The following CEP112 variants were observed in gnomAD, a reference collection of about 807,000 sequenced individuals.
CEP112 encodes centrosomal protein of 112 kDa.
CEP112 carries 127 observed loss-of-function variants against 153.0 expected under a neutral mutation model. The observed-to-expected ratio is 0.83, with a 90% CI of 0.72 to 0.96. The LOEUF is 0.96. Among genes scored for constraint, CEP112 ranks in the 40% least tolerant of loss-of-function variants. CEP112 has a pLI of 0.00. For missense variants in CEP112, 1,089 were observed against 1,101.2 expected, an observed-to-expected ratio of 0.99 and a Z score of 0.16; for synonymous variants, 358 against 374.4, an observed-to-expected ratio of 0.96 and a Z score of 0.51.
At chr17:65,656,077 T>C (rs2046047922) in intron 24 of CEP112, among the ~76,000 whole-genome samples, 1 of 152,210 alleles carries the variant, frequency 6.6e-6, no homozygotes, top group African/African-American at 2.4e-5. Flanking sequence ...GGGTAGAGTA[T>C]GTGACGGGAC....
At chr17:65,852,142 A>T (rs1486983695) in intron 20 of CEP112, 108 bp from the exon 21 acceptor site, 1 of 696,640 alleles carries the variant, frequency 1.4e-6, no homozygotes, top group Non-Finnish European at 2.4e-6. Context: ...TATGGAATAG[A>T]AAGCTTAGAT....
At chr17:66,117,047 A>G (rs1036872673) in intron 6 of CEP112, among the ~76,000 whole-genome samples, 32 of 151,772 alleles carry the variant, frequency 2.1e-4, no homozygotes, top group African/African-American at 7.3e-4. Flanking sequence ...TTGTATTTTT[A>G]CAAAAATTTT....
chr17:65,913,631 A>C (rs927030746), intron 19 of CEP112: 1 of 985,284 alleles, frequency 1.0e-6, no homozygotes, highest in African/African-American at 1.7e-5. Context: ...CTCCTTATTT[A>C]AAAGTTTAAT....
chr17:65,719,662 A>G (rs1316919834), intron 23 of CEP112, among the ~76,000 whole-genome samples: 1 of 152,166 alleles, frequency 6.6e-6, no homozygotes, highest in African/African-American at 2.4e-5. Flanking sequence ...GACATCCAAG[A>G]TGGGACCTGT....
At chr17:65,731,597 G>A (rs1290631215) in intron 23 of CEP112, among the ~76,000 whole-genome samples, 1 of 152,162 alleles carries the variant, frequency 6.6e-6, no homozygotes, top group Non-Finnish European at 1.5e-5. Flanking sequence ...TGCTTTCACG[G>A]AAGATTTCTC....
intron 21 of CEP112, among the ~76,000 whole-genome samples, chr17:65,752,922 G>A (rs900610411): frequency 1.3e-5 from 2 of 152,158 alleles, no homozygotes; most frequent in South Asian, 4.1e-4. Context: ...AGTCTCATCT[G>A]CAGAGGTTCT....
intron 21 of CEP112, among the ~76,000 whole-genome samples, chr17:65,764,763 A>T (rs1168639665): frequency 6.6e-6 from 1 of 151,252 alleles, no homozygotes; most frequent in Non-Finnish European, 1.5e-5. Context: ...ATCCATTTGT[A>T]ATTATTGACG....
chr17:66,155,478 A>T (rs1278626112), intron 4 of CEP112, among the ~76,000 whole-genome samples: 2 of 151,118 alleles, frequency 1.3e-5, no homozygotes, highest in Non-Finnish European at 2.9e-5. Context: ...TTGGGCAGAC[A>T]TCGAGATAGC....
At chr17:65,681,835 G>A (rs2047547596) in intron 24 of CEP112, among the ~76,000 whole-genome samples, 1 of 150,876 alleles carries the variant, frequency 6.6e-6, no homozygotes, top group African/African-American at 2.4e-5. Context: ...CACCACACCT[G>A]GCTAATATTT....
chr17:66,090,182 G>C (rs949210642), intron 8 of CEP112, among the ~76,000 whole-genome samples: 6 of 152,040 alleles, frequency 3.9e-5, no homozygotes, highest in African/African-American at 1.4e-4. Context: ...AAATGCTCAA[G>C]TGAAATCTTG....
chr17:65,659,881 G>A (rs1468252782), intron 24 of CEP112, among the ~76,000 whole-genome samples: 2 of 152,188 alleles, frequency 1.3e-5, no homozygotes, highest in Non-Finnish European at 2.9e-5. Flanking sequence ...GAGGTGATGA[G>A]ATTTGACTGG....
intron 16 of CEP112, among the ~76,000 whole-genome samples, chr17:66,007,812 T>C (rs2064337349): frequency 6.6e-6 from 1 of 152,214 alleles, no homozygotes; most frequent in African/African-American, 2.4e-5. Flanking sequence ...TGTTTACTTA[T>C]ACATATTCAC....
At chr17:65,651,698 C>A (rs2045789152) in intron 24 of CEP112, among the ~76,000 whole-genome samples, 1 of 148,632 alleles carries the variant, frequency 6.7e-6, no homozygotes, top group African/African-American at 2.5e-5. Context: ...TCCTTCCTTC[C>A]TTCCTTTCTT....
chr17:65,943,649 C>T (rs1054638654), intron 18 of CEP112, among the ~76,000 whole-genome samples: 2 of 151,626 alleles, frequency 1.3e-5, no homozygotes, highest in Non-Finnish European at 2.9e-5. Context: ...ACATTTTTTC[C>T]CTTCATTTCT....
intron 17 of CEP112, among the ~76,000 whole-genome samples, chr17:65,975,122 G>C (rs1451925739): frequency 1.3e-5 from 2 of 152,182 alleles, no homozygotes; most frequent in African/African-American, 4.8e-5. Flanking sequence ...CTCTTGGGCT[G>C]AAGACGAAAA....
chr17:66,029,283 A>G (rs376979620), intron 13 of CEP112, 31 bp from the exon 14 acceptor site: 3 of 1,589,348 alleles, frequency 1.9e-6, no homozygotes, highest in African/African-American at 2.7e-5. Flanking sequence ...TAGACTTTCA[A>G]TGTATTTAAA....
intron 21 of CEP112, among the ~76,000 whole-genome samples, chr17:65,763,439 C>T (rs2052734070): frequency 6.6e-6 from 1 of 151,588 alleles, no homozygotes; most frequent in South Asian, 2.1e-4. Flanking sequence ...TCCTTTATTC[C>T]CATATGTGTA....
chr17:65,799,765 A>G (rs2055151973), intron 21 of CEP112, among the ~76,000 whole-genome samples: 1 of 152,152 alleles, frequency 6.6e-6, no homozygotes, highest in Admixed American at 6.5e-5. Flanking sequence ...AACTAAACAA[A>G]AGGTAATAAT....
chr17:66,097,342 T>C (rs1178509297), intron 6 of CEP112, among the ~76,000 whole-genome samples: 1 of 152,192 alleles, frequency 6.6e-6, no homozygotes, highest in East Asian at 1.9e-4. Flanking sequence ...ACCTAGTTCC[T>C]ACTACTCCAG....
Sources: gnomAD v4.1 joint callset for allele counts (sites outside exome capture counted in the v4.1 genomes callset) on GRCh38, gnomAD v4.1.1 for gene constraint, MANE v1.5 for transcripts, NCBI Gene and HGNC (gene_info 2026-07-23, HGNC 2026-07-21) for gene names.